MTFR1: variants seen among roughly 807,000 people sequenced by gnomAD.
MTFR1 encodes mitochondrial fission regulator 1.
MTFR1 carries 28 observed loss-of-function variants against 38.8 expected under a neutral mutation model. The ratio of observed to expected loss-of-function variants is 0.72; its 90% CI spans 0.53 to 0.99. MTFR1 has a LOEUF of 0.99. Among genes scored for constraint, MTFR1 ranks in the 50% least tolerant of loss-of-function variants. MTFR1 has a pLI of 0.00. For synonymous variants in MTFR1, 145 were observed against 137.0 expected, an observed-to-expected ratio of 1.06 and a Z score of -0.41; for missense variants, 358 against 395.5, an observed-to-expected ratio of 0.91 and a Z score of 0.81.
the MTFR1 span, among the ~76,000 whole-genome samples, chr8:65,777,077 C>CTTTTT: frequency 5.5e-5 from 5 of 90,452 alleles, no homozygotes; most frequent in Admixed American, 1.2e-4. Context: ...TTATCAAATG[C>CTTTTT]TTTTTTTTTT....
Position 65,669,905 on chromosome 8 carries a change from C to A in MTFR1, c.-48C>A. 1.4e-6 allele frequency: 2 copies of A among 1,462,354 alleles called. No homozygotes were observed. Among genetic ancestry groups the A allele is most frequent in the Non-Finnish European group, 1.9e-6 (2 of 1,052,682 alleles). The allele number at this position is 1,462,354 out of a possible 1,614,324, so 90.6% of individuals were successfully genotyped here. A position where few individuals can be genotyped will look rare whatever the true frequency, so the allele number is the denominator to read the frequency against. ...TATGGACCATGTGCTGCTATGTATG[C>A]CTGAAGAAGTACTTGAAATGCAAAT... On this transcript the variant is annotated 5_prime_UTR_variant, in exon 2 of 8. An upstream open reading frame in the 5' UTR gains an earlier in-frame stop. Coordinates refer to ENST00000262146, the MANE Select transcript of MTFR1 (RefSeq NM_014637.4).
chr8:65,759,247 T>G (rs923285196), intron 3 of MTFR1, among the ~76,000 whole-genome samples: 1 of 152,210 alleles, frequency 6.6e-6, no homozygotes, highest in Non-Finnish European at 1.5e-5. Context: ...TCCTTAAGTG[T>G]CTGGCTCCAA....
At chr8:65,659,292 C>A (rs1040703547) in intron 1 of MTFR1, among the ~76,000 whole-genome samples, 3 of 151,994 alleles carry the variant, frequency 2.0e-5, no homozygotes, top group African/African-American at 7.3e-5. Flanking sequence ...GGAATAAATT[C>A]TCGGTGCTAC....
chr8:65,670,095 TC>T, intron 2 of MTFR1, 77 bp downstream of exon 2: 1 of 1,236,194 alleles, frequency 8.1e-7, no homozygotes, highest in Non-Finnish European at 1.2e-6. Context: ...ATGAAATAAA[TC>T]TATATATGAC....
intron 2 of MTFR1, among the ~76,000 whole-genome samples, chr8:65,672,062 G>T (rs780610576): frequency 6.6e-6 from 1 of 152,208 alleles, no homozygotes; most frequent in Non-Finnish European, 1.5e-5. Flanking sequence ...CTTTAAGCTG[G>T]AAAGTGGGTG....
intron 2 of MTFR1, among the ~76,000 whole-genome samples, chr8:65,675,177 G>A (rs141396405): frequency 1.5e-3 from 223 of 152,272 alleles, no homozygotes; most frequent in African/African-American, 5.0e-3. Context: ...CGTAGTCCCC[G>A]CTACTCGGGA....
chr8:65,705,760 T>C (rs1283657233), intron 5 of MTFR1, among the ~76,000 whole-genome samples: 4 of 152,234 alleles, frequency 2.6e-5, no homozygotes, highest in African/African-American at 9.6e-5. Context: ...ATATGGAAAG[T>C]ATATAAAATG....
At chr8:65,711,866 A>G (rs1032156743), downstream of MTFR1, among the ~76,000 whole-genome samples, 1 of 152,210 alleles carries the variant, frequency 6.6e-6, no homozygotes, top group African/African-American at 2.4e-5. Flanking sequence ...TTAAGGTCAC[A>G]GAGGGCTCCT....
intron 1 of MTFR1, among the ~76,000 whole-genome samples, chr8:65,652,335 C>T (rs1331263988): frequency 6.6e-6 from 1 of 152,182 alleles, no homozygotes; most frequent in Non-Finnish European, 1.5e-5. Flanking sequence ...AAGTGATCCT[C>T]CTGCCTCTGC....
intron 1 of MTFR1, among the ~76,000 whole-genome samples, chr8:65,650,126 A>G (rs1196279453): frequency 2.6e-5 from 4 of 151,144 alleles, no homozygotes; most frequent in African/African-American, 9.8e-5. Context: ...GCTGTGAGCC[A>G]CCATGCCCAG....
At chr8:65,748,931 G>C (rs1195076612) in intron 3 of MTFR1, among the ~76,000 whole-genome samples, 1 of 152,146 alleles carries the variant, frequency 6.6e-6, no homozygotes, top group Non-Finnish European at 1.5e-5. Flanking sequence ...TTCTGAATCT[G>C]CTCATCTTGC....
downstream of MTFR1, among the ~76,000 whole-genome samples, chr8:65,713,145 T>C (rs1026346928): frequency 1.3e-5 from 2 of 152,152 alleles, no homozygotes; most frequent in Admixed American, 1.3e-4. Flanking sequence ...AAATCTAATA[T>C]TAAAAACAGG....
intron 2 of MTFR1, among the ~76,000 whole-genome samples, chr8:65,670,928 A>G (rs1390015074): frequency 1.3e-5 from 2 of 151,756 alleles, no homozygotes; most frequent in Non-Finnish European, 1.5e-5. Flanking sequence ...CTGGTCTTGA[A>G]CCCCTGACTG....
chr8:65,762,925 C>T (rs931502518), intron 3 of MTFR1, among the ~76,000 whole-genome samples: 2 of 151,076 alleles, frequency 1.3e-5, no homozygotes, highest in Admixed American at 6.6e-5. Context: ...TTGCTTGAGC[C>T]CAGGAGTTCG....
chr8:65,662,491 G>C (rs187396375), intron 1 of MTFR1, among the ~76,000 whole-genome samples: 17,779 of 133,510 alleles, frequency 0.13, 1,591 homozygotes, highest in Middle Eastern at 0.18. Flanking sequence ...CCCAAAGTGC[G>C]GAGATTGCAG....
intron 3 of MTFR1, among the ~76,000 whole-genome samples, chr8:65,769,189 A>C (rs1808950227): frequency 6.8e-6 from 1 of 147,900 alleles, no homozygotes; most frequent in African/African-American, 2.5e-5. Context: ...TGGTGGTTGC[A>C]GTGTGCTAAG....
Position 65,730,171 on chromosome 8 carries a change from C to CTTCTTTTTTTTTTTTTTT in MTFR1, c.*48+10692_*48+10693insCTTTTTTTTTTTTTTTTT, listed in dbSNP as rs1295965698. 4.7e-4 allele frequency among the ~76,000 whole-genome samples: 41 copies of CTTCTTTTTTTTTTTTTTT among 86,446 alleles called. 6 individuals carry two copies. Among genetic ancestry groups the CTTCTTTTTTTTTTTTTTT allele is most frequent in the Middle Eastern group, 8.1e-3 (1 of 124 alleles). The allele number at this position is 86,446 out of a possible 152,430, so 56.7% of individuals were successfully genotyped here. A position where few individuals can be genotyped will look rare whatever the true frequency, so the allele number is the denominator to read the frequency against. ...TGTGAGGGATCCAGGTTGCGCACTT[C>CTTCTTTTTTTTTTTTTTT]TTTTTTTTTTTTTTTTTTTTTTTTT... On this transcript the variant is annotated intron_variant, in intron 3 of 3. Transcript: ENST00000521247.
At chr8:65,670,081 G>A in intron 2 of MTFR1, 63 bp downstream of exon 2, 1 of 1,406,866 alleles carries the variant, frequency 7.1e-7, no homozygotes, top group East Asian at 2.3e-5. Context: ...TTTTTTCTGA[G>A]AAAATGAAAT....
intron 2 of MTFR1, 127 bp downstream of exon 2, chr8:65,670,145 T>C: frequency 1.4e-6 from 1 of 731,874 alleles, no homozygotes; most frequent in Non-Finnish European, 2.1e-6. Context: ...ACTGTTTAAT[T>C]TGCTTTCTAT....
Sources: gnomAD v4.1 joint callset for allele counts (sites outside exome capture counted in the v4.1 genomes callset) on GRCh38, gnomAD v4.1.1 for gene constraint, MANE v1.5 for transcripts, NCBI Gene and HGNC (gene_info 2026-07-23, HGNC 2026-07-21) for gene names.